The following ZNF516 variants were observed in gnomAD, a reference collection of about 807,000 sequenced individuals.
ZNF516 encodes zinc finger protein 516.
ZNF516 carries 19 observed loss-of-function variants against 79.7 expected under a neutral mutation model. The ratio of observed to expected loss-of-function variants is 0.24; its 90% CI spans 0.17 to 0.35. The LOEUF is 0.35. ZNF516 is among the 10% of genes least tolerant of loss of function. The probability of loss-of-function intolerance (pLI) is 1.00; values close to 1 mark genes in which losing one functional copy is unlikely to be tolerated. For missense variants in ZNF516, 1,678 were observed against 1,679.5 expected, an observed-to-expected ratio of 1.00 and a Z score of 0.02; for synonymous variants, 877 against 739.5, an observed-to-expected ratio of 1.19 and a Z score of -3.02.
At position 76,451,707 on chromosome 18, in the gene ZNF516, A is replaced by C. The variant is rs1318347520; in HGVS notation, c.-157-8496T>G. 6.6e-6 allele frequency among the ~76,000 whole-genome samples: 1 copy of C among 152,192 alleles called. No individual in the cohort carries two copies. Among genetic ancestry groups the C allele is most frequent in the African/African-American group, 2.4e-5 (1 of 41,430 alleles). ...ATACTGTGTGTGTTTGTTCTCCGGGAAACAATGAGACGGGCTTCACTAGTT... is the reference window on the plus strand; with the variant it reads ...ATACTGTGTGTGTTTGTTCTCCGGGCAACAATGAGACGGGCTTCACTAGTT... On this transcript the variant is annotated intron_variant, in intron 2 of 6. Transcript: ENST00000443185. This position sits in a 1 kb window ranked among gnomAD's most constrained non-coding sequence, Gnocchi z 6.0.
At chr18:76,367,271 C>A (rs2074627775) in intron 6 of ZNF516, among the ~76,000 whole-genome samples, 1 of 152,200 alleles carries the variant, frequency 6.6e-6, no homozygotes, top group African/African-American at 2.4e-5. Flanking sequence ...CGGCCCCATG[C>A]CAGCTCAGGC....
At chr18:76,412,816 C>G (rs567689384) in intron 3 of ZNF516, among the ~76,000 whole-genome samples, 1 of 152,336 alleles carries the variant, frequency 6.6e-6, no homozygotes, top group East Asian at 1.9e-4. Context: ...CCTCTCCTCT[C>G]CCAAAGAACT....
At position 76,442,667 on chromosome 18, in the gene ZNF516, C is replaced by A. The variant is rs754354368; in HGVS notation, c.388G>T (p.Gly130Trp). 1.9e-6 allele frequency: 3 copies of A among 1,584,446 alleles called. No homozygotes were observed. Among genetic ancestry groups the A allele is most frequent in the Non-Finnish European group, 2.6e-6 (3 of 1,169,622 alleles). ...CTGGCGCCGTCGGCCTGCGAGGCCC[C>A]GTTCAGCAGCCGGTTGCAGGCCGAG... ...SASACNRLLNGASQADGARVL... is the reference protein window; with the variant it reads ...SASACNRLLNWASQADGARVL... Residue 130 changes from glycine (G) to tryptophan (W), a missense_variant, in exon 3 of 7, where the codon GGG (glycine) becomes TGG (tryptophan). By Grantham distance (184) the Gly-to-Trp change is radical. Coordinates refer to ENST00000443185, the MANE Select transcript of ZNF516 (RefSeq NM_014643.4).
chr18:76,383,067 G>A (rs559536618), intron 3 of ZNF516, among the ~76,000 whole-genome samples: 24 of 150,984 alleles, frequency 1.6e-4, no homozygotes, highest in African/African-American at 5.6e-4. Flanking sequence ...AAAGCGCATG[G>A]TCTAGCCCAA....
intron 1 of ZNF516, among the ~76,000 whole-genome samples, chr18:76,464,416 C>A (rs1913321033): frequency 6.6e-6 from 1 of 152,164 alleles, no homozygotes; most frequent in Admixed American, 6.5e-5. Context: ...ATGACTGGGG[C>A]CTTTGCTGTC....
chr18:76,431,567 A>AG (rs1247831921), intron 3 of ZNF516, among the ~76,000 whole-genome samples: 2 of 152,062 alleles, frequency 1.3e-5, no homozygotes, highest in African/African-American at 4.8e-5. Flanking sequence ...GTGGGGCCCG[A>AG]GGGGCGGTGT....
At chr18:76,450,184 A>G (rs1292635291) in intron 2 of ZNF516, among the ~76,000 whole-genome samples, 29 of 103,254 alleles carry the variant, frequency 2.8e-4, no homozygotes, top group South Asian at 8.4e-4. Context: ...ATGAAACTAA[A>G]GGGGGGGGGG....
In ZNF516 at chr18:76,488,268, T is replaced by C. The variant is rs996978422; in HGVS notation, c.-272+6876A>G. 3 of 984,404 alleles carry C rather than the reference T, an allele frequency of 3.0e-6. No individual in the cohort carries two copies. The African/African-American group carries it at 5.2e-5, about 17-fold the overall frequency. 61.0% of individuals were successfully genotyped at this position (984,404 alleles called of 1,614,324 possible). On this transcript the variant is annotated intron_variant, in intron 1 of 6. Coordinates refer to ENST00000443185, the MANE Select transcript of ZNF516 (RefSeq NM_014643.4). ...CTGTGAGCTAAATACAGTAATAAAA[T>C]TAGTTCTTCACGTTTAGCCATTAAC...
chr18:76,426,678 AC>A lies in ZNF516; in HGVS notation c.1810+14566del, dbSNP rs1385837275. On this transcript the variant is annotated intron_variant, in intron 3 of 6. Coordinates refer to ENST00000443185, the MANE Select transcript of ZNF516 (RefSeq NM_014643.4). Reference sequence around the variant, plus strand: ...AGAAAGCCGCAAGAGTCCAAAAAAAACTGTGTAAAGGCCGATGTCAACACAT... The same window carrying A: ...AGAAAGCCGCAAGAGTCCAAAAAAAATGTGTAAAGGCCGATGTCAACACAT... 2.0e-5 allele frequency among the ~76,000 whole-genome samples: 3 copies of A among 152,238 alleles called. No homozygotes were observed. The East Asian group carries it at 5.8e-4, about 29-fold the overall frequency.
chr18:76,430,419 C>A (rs1345878977), intron 3 of ZNF516, among the ~76,000 whole-genome samples: 2 of 152,166 alleles, frequency 1.3e-5, no homozygotes, highest in Admixed American at 1.3e-4. Flanking sequence ...AGACTGGAAA[C>A]CTGGCCATCA....
intron 2 of ZNF516, among the ~76,000 whole-genome samples, chr18:76,457,006 G>A (rs1912770823): frequency 6.6e-6 from 1 of 152,220 alleles, no homozygotes; most frequent in Non-Finnish European, 1.5e-5. Flanking sequence ...CCACAGAAAG[G>A]GAAGACCACA....
At chr18:76,492,971 C>A in intron 1 of ZNF516, 1 of 985,568 alleles carries the variant, frequency 1.0e-6, no homozygotes, top group African/African-American at 1.7e-5. Flanking sequence ...TGGGCTCATG[C>A]ACGCGCACGC....
intron 3 of ZNF516, chr18:76,388,781 T>G (rs949491976): frequency 6.6e-6 from 1 of 152,168 alleles, no homozygotes; most frequent in Non-Finnish European, 1.5e-5. Flanking sequence ...TAGGAGACCA[T>G]GGGCTCAGTG....
Position 76,379,955 on chromosome 18 carries a change from C to G in ZNF516, c.2159G>C (p.Gly720Ala), listed in dbSNP as rs775184422. Residue 720 changes from glycine (G) to alanine (A), a missense_variant, in exon 4 of 7, where the codon GGG becomes GCG. Physicochemically the swap from Gly to Ala is moderately conservative, Grantham distance 60. This residue lies in a region of ZNF516 where 1,294 missense variants were observed against 1,248.3 expected (regional missense o/e 1.04). Coordinates refer to ENST00000443185, the MANE Select transcript of ZNF516 (RefSeq NM_014643.4). ...TGGGGCCAGCGCCCGCTTCCCTCCC[C>G]CAGAGTGTTCCTTGTTGTGCAAATC... is the stretch of plus-strand genomic sequence containing the variant. ...LSDLHNKEHSGGGKRALAPDL... is the reference protein window; with the variant it reads ...LSDLHNKEHSAGGKRALAPDL... 8.1e-6 allele frequency: 13 copies of G among 1,613,880 alleles called. No homozygotes were observed. In the Admixed American group the frequency reaches 1.8e-4, roughly 23 times the overall value.
intron 2 of ZNF516, among the ~76,000 whole-genome samples, chr18:76,445,588 G>A (rs1911993666): frequency 6.6e-6 from 1 of 152,152 alleles, no homozygotes; most frequent in South Asian, 2.1e-4. Flanking sequence ...CAATCATATA[G>A]AAAATACGTT....
intron 3 of ZNF516, among the ~76,000 whole-genome samples, chr18:76,395,275 C>A (rs755973059): frequency 2.6e-5 from 4 of 152,312 alleles, no homozygotes; most frequent in Non-Finnish European, 5.9e-5. Context: ...GGCTGCACCC[C>A]GTCCTAAACG....
intron 1 of ZNF516, among the ~76,000 whole-genome samples, chr18:76,468,975 A>C (rs1390036976): frequency 6.6e-6 from 1 of 152,184 alleles, no homozygotes; most frequent in Non-Finnish European, 1.5e-5. Flanking sequence ...TGCTACAAAG[A>C]AGCACTTGGG....
intron 1 of ZNF516, among the ~76,000 whole-genome samples, chr18:76,488,980 A>C (rs974681455): frequency 2.0e-5 from 3 of 152,256 alleles, no homozygotes; most frequent in Non-Finnish European, 2.9e-5. Flanking sequence ...CAACATTTAA[A>C]CAAGCATATT....
intron 3 of ZNF516, among the ~76,000 whole-genome samples, chr18:76,419,950 T>G (rs2075484326): frequency 6.6e-6 from 1 of 152,236 alleles, no homozygotes; most frequent in Non-Finnish European, 1.5e-5. Context: ...CCACTGTGTG[T>G]GAGGCCCACG....
Sources: allele counts gnomAD v4.1 joint callset (sites outside exome capture counted in the v4.1 genomes callset), GRCh38; gene constraint gnomAD v4.1.1; regional missense constraint gnomAD v4.1.1; non-coding constraint Gnocchi (gnomAD v3.1); transcripts MANE v1.5; gene names NCBI Gene and HGNC (gene_info 2026-07-23, HGNC 2026-07-21).